SLC7A2: variants seen among roughly 807,000 people sequenced by gnomAD.
SLC7A2 encodes the protein cationic amino acid transporter 2.
Under a neutral mutation model 58.9 loss-of-function variants are expected in SLC7A2, and 48 were observed. The ratio of observed to expected loss-of-function variants is 0.82; its 90% CI spans 0.65 to 1.04. The LOEUF (loss-of-function observed/expected upper bound fraction) is 1.04, where lower values mean the gene tolerates loss of function less well. Among genes scored for constraint, SLC7A2 ranks in the 50% least tolerant of loss-of-function variants. The pLI, the probability that SLC7A2 is intolerant of heterozygous loss-of-function variation, is 0.00. For missense variants in SLC7A2, 1,029 were observed against 818.8 expected (o/e 1.26, Z -3.13); for synonymous variants, 363 against 314.5 (o/e 1.15, Z -1.63).
intron 2 of SLC7A2, among the ~76,000 whole-genome samples, chr8:17,534,376 A>T (rs1459159953): frequency 2.0e-5 from 3 of 152,200 alleles, no homozygotes; most frequent in African/African-American, 7.2e-5. Context: ...TTTTGTAAGG[A>T]TGAGCAGTTC....
chr8:17,516,233 ATTT>A (rs11376359), intron 2 of SLC7A2, among the ~76,000 whole-genome samples: 2 of 150,336 alleles, frequency 1.3e-5, no homozygotes, highest in Non-Finnish European at 3.0e-5. Context: ...TAATTAATTA[ATTT>A]TTTTTTTGAG....
At chr8:17,527,135 A>T (rs1801253111) in intron 2 of SLC7A2, among the ~76,000 whole-genome samples, 1 of 152,204 alleles carries the variant, frequency 6.6e-6, no homozygotes, top group Admixed American at 6.6e-5. Context: ...TAGGTAGGGT[A>T]CTTAATGCAT....
At chr8:17,496,075 G>A (rs1368886206), upstream of SLC7A2, among the ~76,000 whole-genome samples, 6 of 152,180 alleles carry the variant, frequency 3.9e-5, no homozygotes, top group East Asian at 1.9e-4. Context: ...CTAGTAGGTG[G>A]GTTAAAGGGA....
At chr8:17,537,565 G>C (rs546055696) in intron 2 of SLC7A2, among the ~76,000 whole-genome samples, 20 of 152,258 alleles carry the variant, frequency 1.3e-4, no homozygotes, top group African/African-American at 4.6e-4. Context: ...TGGCTTCGGG[G>C]TATGAAGACA....
chr8:17,538,859 A>G (rs375170745), intron 2 of SLC7A2: 16 of 1,613,824 alleles, frequency 9.9e-6, no homozygotes, highest in Non-Finnish European at 1.4e-5. Context: ...AACTCAGACA[A>G]ACTAATTTGT....
intron 2 of SLC7A2, among the ~76,000 whole-genome samples, chr8:17,524,871 G>A (rs1801162148): frequency 6.6e-6 from 1 of 151,944 alleles, no homozygotes; most frequent in Non-Finnish European, 1.5e-5. Context: ...CAAGTTCTTA[G>A]CATACTTGAT....
intron 1 of SLC7A2, among the ~76,000 whole-genome samples, chr8:17,497,824 G>A (rs1172352659): frequency 6.6e-6 from 1 of 152,140 alleles, no homozygotes; most frequent in Non-Finnish European, 1.5e-5. Context: ...AAGTAACTGG[G>A]TGCCTTTTAA....
At chr8:17,549,717 GTA>G (rs1443887426) in intron 5 of SLC7A2, among the ~76,000 whole-genome samples, 7 of 152,118 alleles carry the variant, frequency 4.6e-5, no homozygotes, top group African/African-American at 1.4e-4. Flanking sequence ...GGGTACACCT[GTA>G]TGTTTTTCTT....
intron 4 of SLC7A2, among the ~76,000 whole-genome samples, chr8:17,546,306 A>G (rs1292414158): frequency 6.6e-6 from 1 of 152,218 alleles, no homozygotes; most frequent in Admixed American, 6.5e-5. Flanking sequence ...ATTCACCATC[A>G]TATCTTTCCT....
At position 17,569,045 on chromosome 8, in the gene SLC7A2, A is replaced by G. The variant is rs1427864932; in HGVS notation, c.*3899A>G. The G allele has an allele frequency of 6.6e-6, 1 of 152,184 alleles. No individual in the cohort carries two copies. The highest frequency in any genetic ancestry group is 2.4e-5 in the African/African-American group (1 of 41,448). The allele number at this position is 152,184 out of a possible 1,614,324, so 9.4% of individuals were successfully genotyped here. ...TAAATTTATTTAAATGCTTAGCAGG[A>G]AGCATAAGGAAAAGCCATCGGCCTC... is the stretch of plus-strand genomic sequence containing the variant. On this transcript the variant is annotated 3_prime_UTR_variant, in exon 13 of 13. Coordinates refer to ENST00000494857, the MANE Select transcript of SLC7A2 (RefSeq NM_001370338.1).
chr8:17,521,647 T>C (rs1238674734), intron 2 of SLC7A2, among the ~76,000 whole-genome samples: 1 of 152,240 alleles, frequency 6.6e-6, no homozygotes, highest in African/African-American at 2.4e-5. Flanking sequence ...CGCTGGGCTG[T>C]GGCCTCTTTT....
chr8:17,505,089 G>A (rs1360006345), intron 2 of SLC7A2, among the ~76,000 whole-genome samples: 3 of 80,074 alleles, frequency 3.7e-5, no homozygotes, highest in Admixed American at 1.3e-4. Context: ...CCACCCCCCC[G>A]CCGCCCACCC....
chr8:17,564,510 G>A (rs1250133282), intron 12 of SLC7A2, among the ~76,000 whole-genome samples: 1 of 152,144 alleles, frequency 6.6e-6, no homozygotes, highest in Admixed American at 6.5e-5. Flanking sequence ...CACCAGGGAC[G>A]GGTTTTGTGG....
chr8:17,502,627 T>A (rs1033108399), intron 2 of SLC7A2, among the ~76,000 whole-genome samples: 1 of 152,150 alleles, frequency 6.6e-6, no homozygotes, highest in Admixed American at 6.5e-5. Context: ...TTTTAGAAAA[T>A]TTTTGATAAT....
intron 11 of SLC7A2, among the ~76,000 whole-genome samples, chr8:17,562,683 T>G (rs1195758036): frequency 6.6e-6 from 1 of 152,234 alleles, no homozygotes; most frequent in Non-Finnish European, 1.5e-5. Context: ...ATTGGTCCTC[T>G]TACTGCCTTT....
intron 2 of SLC7A2, among the ~76,000 whole-genome samples, chr8:17,505,761 T>C (rs1379467598): frequency 6.6e-6 from 1 of 152,210 alleles, no homozygotes; most frequent in East Asian, 1.9e-4. Flanking sequence ...AATCTAATCT[T>C]GCCAGTTCAA....
chr8:17,495,645 G>T (rs1420544986), upstream of SLC7A2, among the ~76,000 whole-genome samples: 1 of 152,178 alleles, frequency 6.6e-6, no homozygotes, highest in Non-Finnish European at 1.5e-5. Context: ...CGCCTCCTGG[G>T]CTCAAGCGAT....
intron 2 of SLC7A2, among the ~76,000 whole-genome samples, chr8:17,539,188 G>C (rs1040540416): frequency 2.6e-5 from 4 of 152,212 alleles, no homozygotes; most frequent in Non-Finnish European, 5.9e-5. Flanking sequence ...ATACTGTCAA[G>C]TTGATGGCCT....
chr8:17,550,527 G>C lies in SLC7A2; in HGVS notation c.832+93G>C, dbSNP rs542665822. On this transcript the variant is annotated intron_variant, in intron 6 of 12. Transcript: ENST00000494857. ...TAGCAGAGGGTCCAGGAAAGAGAGAGGGATTTCGGGTAAGAAGGGCACTAG... is the reference window on the plus strand; with the variant it reads ...TAGCAGAGGGTCCAGGAAAGAGAGACGGATTTCGGGTAAGAAGGGCACTAG... 64 of 1,235,398 alleles carry C rather than the reference G, an allele frequency of 5.2e-5. No homozygotes were observed. The African/African-American group carries it at 8.6e-4, about 17-fold the overall frequency. 76.5% of individuals were successfully genotyped at this position (1,235,398 alleles called of 1,614,324 possible). A position where few individuals can be genotyped will look rare whatever the true frequency, so the allele number is the denominator to read the frequency against.
Sources: allele counts gnomAD v4.1 joint callset (sites outside exome capture counted in the v4.1 genomes callset), GRCh38; gene constraint gnomAD v4.1.1; transcripts MANE v1.5; gene names NCBI Gene and HGNC (gene_info 2026-07-23, HGNC 2026-07-21).